KIF6: variants seen among roughly 807,000 people sequenced by gnomAD.
KIF6 encodes kinesin-like protein KIF6.
A neutral mutation model predicts 112.7 loss-of-function variants in KIF6; 106 were observed. The observed-to-expected ratio is 0.94, with a 90% confidence interval of 0.80 to 1.11. The LOEUF (loss-of-function observed/expected upper bound fraction) is 1.11. Among genes scored for constraint, KIF6 ranks in the 50% least tolerant of loss-of-function variants. KIF6 has a pLI of 0.00. For synonymous variants in KIF6, 339 were observed against 339.9 expected (o/e 1.00, Z 0.03); for missense variants, 929 against 964.0 (o/e 0.96, Z 0.48).
intron 13 of KIF6, among the ~76,000 whole-genome samples, chr6:39,523,177 A>T (rs1777495871): frequency 1.3e-5 from 2 of 151,990 alleles, no homozygotes; most frequent in African/African-American, 4.8e-5. Context: ...CATTCTAATC[A>T]GTTCTCTTTG....
intron 19 of KIF6, among the ~76,000 whole-genome samples, chr6:39,354,830 T>C (rs1005364309): frequency 2.6e-5 from 4 of 152,310 alleles, no homozygotes; most frequent in South Asian, 4.1e-4. Flanking sequence ...TTTGCATTGC[T>C]AATGACTAGT....
intron 5 of KIF6, among the ~76,000 whole-genome samples, chr6:39,621,134 C>A (rs1362326714): frequency 6.6e-6 from 1 of 151,284 alleles, no homozygotes; most frequent in Non-Finnish European, 1.5e-5. Context: ...ATATTTTAAC[C>A]ATTCCTTTAT....
rs924954170 is a variant in KIF6, at chr6:39,342,721, G to A, written c.2428+988C>T. The A allele has an allele frequency of 1.1e-6, 1 of 876,172 alleles. No individual in the cohort carries two copies. Among genetic ancestry groups the A allele is most frequent in the Non-Finnish European group, 1.4e-6 (1 of 730,996 alleles). 54.3% of individuals were successfully genotyped at this position (876,172 alleles called of 1,614,324 possible). A position where few individuals can be genotyped will look rare whatever the true frequency, so the allele number is the denominator to read the frequency against. ...AGAAAGGACCTGACAGTGTTGCTGA[G>A]GCTGCTGGTCCTGGTGGTGAAGAGA... On this transcript the variant is annotated intron_variant, in intron 22 of 22. Coordinates refer to ENST00000287152, the MANE Select transcript of KIF6 (RefSeq NM_145027.6). This position sits in a 1 kb window ranked among gnomAD's most constrained non-coding sequence, Gnocchi z 4.7.
intron 5 of KIF6, among the ~76,000 whole-genome samples, chr6:39,618,215 C>T (rs1029087691): frequency 5.9e-5 from 9 of 152,124 alleles, no homozygotes; most frequent in South Asian, 4.1e-4. Context: ...AAGCAATGGA[C>T]GTTTTGTCCA....
In KIF6 at chr6:39,538,039, T is replaced by C. The variant is rs562282045; in HGVS notation, c.1645+1964A>G. ...ATGTAGAAAGTTGAAACTGAATTCC[T>C]TCCTTACACCTTATACAAAAATTAA... On this transcript the variant is annotated intron_variant, in intron 13 of 22. Transcript: ENST00000287152. 2.6e-5 allele frequency among the ~76,000 whole-genome samples: 4 copies of C among 152,334 alleles called. No individual in the cohort carries two copies. The South Asian group carries it at 8.3e-4, about 32-fold the overall frequency.
chr6:39,447,204 C>T (rs1772386377), intron 13 of KIF6, among the ~76,000 whole-genome samples: 2 of 152,290 alleles, frequency 1.3e-5, no homozygotes, highest in Admixed American at 1.3e-4. Context: ...ACAGTAACAA[C>T]CTCATCTCAT....
At chr6:39,590,449 A>ATTTT (rs1443033247) in intron 7 of KIF6, among the ~76,000 whole-genome samples, 20 of 96,526 alleles carry the variant, frequency 2.1e-4, no homozygotes, top group African/African-American at 9.4e-4. Context: ...ATATATATAT[A>ATTTT]TATTTTTTTT....
chr6:39,580,906 A>G (rs1437907859), intron 9 of KIF6, among the ~76,000 whole-genome samples: 5 of 152,098 alleles, frequency 3.3e-5, no homozygotes, highest in Non-Finnish European at 7.4e-5. Flanking sequence ...TTTTTTTCTT[A>G]CAATATACAT....
intron 13 of KIF6, among the ~76,000 whole-genome samples, chr6:39,527,055 T>A (rs981914155): frequency 6.6e-6 from 1 of 152,252 alleles, no homozygotes; most frequent in Non-Finnish European, 1.5e-5. Context: ...TGTTAGAGGA[T>A]TGGGTATATT....
At chr6:39,584,747 A>G in intron 9 of KIF6, 151 bp downstream of exon 9, 2 of 503,160 alleles carry the variant, frequency 4.0e-6, no homozygotes, top group Non-Finnish European at 7.0e-6. Flanking sequence ...TAGAGATAGC[A>G]TCTACTCATA....
chr6:39,514,445 G>A (rs1014795200), intron 13 of KIF6, among the ~76,000 whole-genome samples: 6 of 152,136 alleles, frequency 3.9e-5, no homozygotes, highest in African/African-American at 1.2e-4. Context: ...AGATCGAAAC[G>A]GTCAGAAAAA....
intron 15 of KIF6, among the ~76,000 whole-genome samples, chr6:39,394,181 G>A (rs773389020): frequency 1.3e-5 from 2 of 152,210 alleles, no homozygotes; most frequent in African/African-American, 2.4e-5. Context: ...GGATAAAGCC[G>A]AGCAAGATCA....
chr6:39,703,342 C>T (rs1056174307), intron 3 of KIF6, among the ~76,000 whole-genome samples: 6 of 152,096 alleles, frequency 3.9e-5, no homozygotes, highest in Non-Finnish European at 8.8e-5. Flanking sequence ...AAGATCTATT[C>T]TAGTTTCAGC....
In KIF6 at chr6:39,335,438, GA is replaced by G. The variant is rs979568129; in HGVS notation, c.*1093del. ...ATCCTGTTACCCAGTCCTAAAAAAC[GA>G]AAAAGAAAATCAAGCCAATTATACT... On this transcript the variant is annotated 3_prime_UTR_variant, in exon 23 of 23. Transcript: ENST00000287152. The G allele has an allele frequency of 2.0e-5, 3 of 152,124 alleles. No homozygotes were observed. Among genetic ancestry groups the G allele is most frequent in the African/African-American group, 7.2e-5 (3 of 41,406 alleles). 9.4% of individuals were successfully genotyped at this position (152,124 alleles called of 1,614,324 possible). A position where few individuals can be genotyped will look rare whatever the true frequency, so the allele number is the denominator to read the frequency against.
At chr6:39,619,801 A>G (rs1436467557) in intron 5 of KIF6, among the ~76,000 whole-genome samples, 1 of 152,218 alleles carries the variant, frequency 6.6e-6, no homozygotes, top group African/African-American at 2.4e-5. Context: ...TAATTTAATC[A>G]TTTCACTAAG....
intron 13 of KIF6, among the ~76,000 whole-genome samples, chr6:39,533,428 T>A (rs532743665): frequency 1.3e-5 from 2 of 151,984 alleles, no homozygotes; most frequent in South Asian, 4.2e-4. Flanking sequence ...CAGCCTGAGA[T>A]CAAACTGCAA....
At chr6:39,514,815 T>C (rs1776981810) in intron 13 of KIF6, among the ~76,000 whole-genome samples, 3 of 152,234 alleles carry the variant, frequency 2.0e-5, no homozygotes, top group Admixed American at 2.0e-4. Flanking sequence ...GGTTTAAGTG[T>C]TTTCAGGTTA....
intron 5 of KIF6, among the ~76,000 whole-genome samples, chr6:39,628,815 T>G (rs1784218810): frequency 6.6e-6 from 1 of 152,086 alleles, no homozygotes; most frequent in African/African-American, 2.4e-5. Context: ...AAACCCCCTG[T>G]GCTTCACCTA....
At chr6:39,458,220 C>A in intron 13 of KIF6, among the ~76,000 whole-genome samples, 1 of 148,444 alleles carries the variant, frequency 6.7e-6, no homozygotes, top group South Asian at 2.2e-4. Context: ...GTTCAATATA[C>A]GCAAATCAAT....
Sources: allele counts gnomAD v4.1 joint callset (sites outside exome capture counted in the v4.1 genomes callset), GRCh38; gene constraint gnomAD v4.1.1; non-coding constraint Gnocchi (gnomAD v3.1); transcripts MANE v1.5; gene names NCBI Gene and HGNC (gene_info 2026-07-23, HGNC 2026-07-21).